TENM4: variants seen among roughly 807,000 people sequenced by gnomAD.
TENM4 encodes teneurin-4.
TENM4 carries 82 observed loss-of-function variants against 243.3 expected under a neutral mutation model. The ratio of observed to expected loss-of-function variants is 0.34; its 90% CI spans 0.28 to 0.40. TENM4 has a LOEUF of 0.40. TENM4 is among the 10% of genes least tolerant of loss of function. The pLI is 1.00. For synonymous variants in TENM4, 1,412 were observed against 1,456.3 expected, an observed-to-expected ratio of 0.97 and a Z score of 0.69; for missense variants, 3,138 against 3,673.3, an observed-to-expected ratio of 0.85 and a Z score of 3.77.
At chr11:79,362,780 C>T (rs369749630) in intron 1 of TENM4, among the ~76,000 whole-genome samples, 14 of 152,218 alleles carry the variant, frequency 9.2e-5, no homozygotes, top group African/African-American at 3.4e-4. Context: ...GTAAGAGAAG[C>T]ATGATAGTCT....
chr11:79,256,332 A>G (rs1366392946), intron 2 of TENM4, among the ~76,000 whole-genome samples: 1 of 152,106 alleles, frequency 6.6e-6, no homozygotes, highest in Non-Finnish European at 1.5e-5. Flanking sequence ...CAGTTACTCC[A>G]TTTGAGTGCC....
intron 19 of TENM4, among the ~76,000 whole-genome samples, chr11:78,754,558 ATGAC>A (rs1051795884): frequency 5.3e-5 from 8 of 152,202 alleles, no homozygotes; most frequent in African/African-American, 1.9e-4. Context: ...CCCGTAAAGA[ATGAC>A]TGAGCAAGTG....
chr11:79,373,318 C>A (rs866824578), intron 1 of TENM4, among the ~76,000 whole-genome samples: 261 of 147,452 alleles, frequency 1.8e-3, no homozygotes, highest in South Asian at 9.4e-3. Context: ...GGCTGGCTGG[C>A]TGGCTGGCTG....
chr11:78,853,248 C>T (rs1858587092), intron 12 of TENM4, among the ~76,000 whole-genome samples: 1 of 152,132 alleles, frequency 6.6e-6, no homozygotes, highest in Non-Finnish European at 1.5e-5. Context: ...ATTTTTATCT[C>T]CAGACTATGT....
At chr11:78,820,481 G>C (rs7925387) in intron 12 of TENM4, among the ~76,000 whole-genome samples, 9,678 of 152,222 alleles carry the variant, frequency 0.064, 998 homozygotes, top group African/African-American at 0.22. Context: ...GAAATGGGGT[G>C]AACAGTAACA....
chr11:79,295,896 AACACACACAC>A (rs199711050), intron 2 of TENM4, among the ~76,000 whole-genome samples: 114 of 130,910 alleles, frequency 8.7e-4, no homozygotes, highest in African/African-American at 3.2e-3. Flanking sequence ...CCAGGGATTA[AACACACACAC>A]ACACACACAC....
intron 3 of TENM4, among the ~76,000 whole-genome samples, chr11:79,162,036 C>A (rs116566886): frequency 2.0e-4 from 30 of 152,276 alleles, no homozygotes; most frequent in African/African-American, 6.7e-4. Flanking sequence ...CCCAGTACCC[C>A]CTGTATGGCC....
intron 4 of TENM4, among the ~76,000 whole-genome samples, chr11:79,087,741 T>G (rs536091584): frequency 6.6e-6 from 1 of 152,244 alleles, no homozygotes; most frequent in Non-Finnish European, 1.5e-5. Flanking sequence ...ATTCTCAGAA[T>G]GTCCTTAATC....
intron 9 of TENM4, among the ~76,000 whole-genome samples, chr11:78,878,760 G>A (rs186957711): frequency 1.4e-3 from 211 of 152,250 alleles, no homozygotes; most frequent in African/African-American, 4.8e-3. Context: ...AGCTGTTCAC[G>A]CCTTGTGACC....
chr11:79,049,657 C>G, intron 6 of TENM4, among the ~76,000 whole-genome samples: 1 of 152,230 alleles, frequency 6.6e-6, no homozygotes, highest in East Asian at 1.9e-4. Flanking sequence ...TTGTATTATG[C>G]CTAGATTGTA....
At chr11:79,065,109 C>G (rs1860211019) in intron 5 of TENM4, 102 bp from the exon 6 acceptor site, 2 of 1,401,630 alleles carry the variant, frequency 1.4e-6, no homozygotes, top group African/African-American at 2.9e-5. Context: ...CACTGTCGTT[C>G]TTTGAACTTG....
chr11:79,296,574 T>C (rs1398494989), intron 2 of TENM4, among the ~76,000 whole-genome samples: 1 of 152,246 alleles, frequency 6.6e-6, no homozygotes, highest in Non-Finnish European at 1.5e-5. Context: ...CCCAACATGA[T>C]ACTCACTGCC....
intron 3 of TENM4, among the ~76,000 whole-genome samples, chr11:79,200,847 C>T (rs1863724054): frequency 6.6e-6 from 1 of 152,212 alleles, no homozygotes; most frequent in Admixed American, 6.5e-5. Flanking sequence ...AAACTTCTAG[C>T]TGGGGCATTA....
chr11:79,298,568 C>A (rs1023713814), intron 1 of TENM4, among the ~76,000 whole-genome samples: 1 of 149,000 alleles, frequency 6.7e-6, no homozygotes, highest in Non-Finnish European at 1.5e-5. Flanking sequence ...GGAAACTGGA[C>A]CGGCTGGTCA....
intron 1 of TENM4, among the ~76,000 whole-genome samples, chr11:79,394,632 T>C (rs1172181601): frequency 2.0e-5 from 3 of 152,222 alleles, no homozygotes; most frequent in East Asian, 1.9e-4. Flanking sequence ...AAAAGCTATA[T>C]TGAAATCCTA....
At chr11:79,073,167 G>T (rs1860459874) in intron 4 of TENM4, among the ~76,000 whole-genome samples, 1 of 152,152 alleles carries the variant, frequency 6.6e-6, no homozygotes, top group Non-Finnish European at 1.5e-5. Flanking sequence ...AATTTTTGAG[G>T]CCCAGGTCAT....
Position 79,257,563 on chromosome 11 carries a change from G to A in TENM4, c.-265+39925C>T, listed in dbSNP as rs142818851. Among the ~76,000 whole-genome samples the A allele has an allele frequency of 4.0e-4, 61 of 152,268 alleles. 1 individual carries two copies. The South Asian group carries it at 8.1e-3, about 20-fold the overall frequency. ...TTCATCTGCATCTTGGAAGGGTGGAGGGTGGAGGGGCCCACAGCTAATGCA... is the reference window on the plus strand; with the variant it reads ...TTCATCTGCATCTTGGAAGGGTGGAAGGTGGAGGGGCCCACAGCTAATGCA... On this transcript the variant is annotated intron_variant, in intron 2 of 33. Coordinates refer to ENST00000278550, the MANE Select transcript of TENM4 (RefSeq NM_001098816.3).
chr11:79,025,111 C>A (rs1226870834), intron 6 of TENM4, among the ~76,000 whole-genome samples: 1 of 152,156 alleles, frequency 6.6e-6, no homozygotes, highest in African/African-American at 2.4e-5. Context: ...TCTTCCAGTT[C>A]AAAGAACCCC....
chr11:78,861,573 T>C (rs1858820583), intron 10 of TENM4, among the ~76,000 whole-genome samples: 1 of 152,310 alleles, frequency 6.6e-6, no homozygotes, highest in African/African-American at 2.4e-5. Flanking sequence ...CTCAAAATAG[T>C]GGGCAGGGGT....
Sources: gnomAD v4.1 joint callset for allele counts (sites outside exome capture counted in the v4.1 genomes callset) on GRCh38, gnomAD v4.1.1 for gene constraint, MANE v1.5 for transcripts, NCBI Gene and HGNC (gene_info 2026-07-23, HGNC 2026-07-21) for gene names.